IDO2: variants seen among roughly 807,000 people sequenced by gnomAD.
IDO2 encodes indoleamine 2,3-dioxygenase 2.
Under a neutral mutation model 45.1 loss-of-function variants are expected in IDO2, and 46 were observed. That is an observed-to-expected ratio of 1.02 (90% CI 0.80 to 1.30). The LOEUF is 1.30. Ranked by LOEUF, IDO2 falls within the 50% of genes most tolerant of loss-of-function variation. The pLI, the probability that IDO2 is intolerant of heterozygous loss-of-function variation, is 0.00. For synonymous variants in IDO2, 218 were observed against 184.9 expected, an observed-to-expected ratio of 1.18 and a Z score of -1.45; for missense variants, 544 against 491.8, an observed-to-expected ratio of 1.11 and a Z score of -1.00.
intron 8 of IDO2, among the ~76,000 whole-genome samples, chr8:40,003,964 T>A: frequency 6.6e-6 from 1 of 150,454 alleles, no homozygotes; most frequent in South Asian, 2.1e-4. Context: ...TTTTTTTACA[T>A]CTATTGAAAT....
chr8:40,001,288 G>A (rs1802133737), intron 8 of IDO2, among the ~76,000 whole-genome samples: 2 of 120,124 alleles, frequency 1.7e-5, no homozygotes, highest in Non-Finnish European at 3.1e-5. Context: ...GTCTCGCTCT[G>A]TTGCAGGCTA....
chr8:39,942,946 G>A (rs1340911886), intron 1 of IDO2, among the ~76,000 whole-genome samples: 1 of 152,196 alleles, frequency 6.6e-6, no homozygotes, highest in Non-Finnish European at 1.5e-5. Context: ...TTTCATTTGA[G>A]ATTGAAGGAA....
chr8:39,987,632 G>A, intron 6 of IDO2: 1 of 462,600 alleles, frequency 2.2e-6, no homozygotes, highest in South Asian at 3.7e-5. Flanking sequence ...GACCATTAGG[G>A]CCATGCTAGA....
At chr8:39,996,151 G>A (rs975340806) in intron 8 of IDO2, among the ~76,000 whole-genome samples, 46 of 151,670 alleles carry the variant, frequency 3.0e-4, no homozygotes, top group Middle Eastern at 6.9e-3. Flanking sequence ...CCCCGGGGGA[G>A]TTAGAGAAGA....
intron 2 of IDO2, among the ~76,000 whole-genome samples, chr8:39,953,675 G>A (rs1023824929): frequency 1.3e-5 from 2 of 152,072 alleles, no homozygotes; most frequent in Non-Finnish European, 2.9e-5. Context: ...CGATTCTCCT[G>A]CCTCAGCCTC....
chr8:39,991,698 G>C (rs2129594842), intron 8 of IDO2, among the ~76,000 whole-genome samples: 1 of 151,266 alleles, frequency 6.6e-6, no homozygotes, highest in Admixed American at 6.6e-5. Context: ...AGTCTCCCTA[G>C]TAGCTGGGAT....
chr8:39,974,634 A>G (rs1170149995), intron 3 of IDO2, among the ~76,000 whole-genome samples: 1 of 151,938 alleles, frequency 6.6e-6, no homozygotes, highest in African/African-American at 2.4e-5. Flanking sequence ...AATACACAAA[A>G]TTGGCTGGGC....
intron 1 of IDO2, among the ~76,000 whole-genome samples, chr8:39,943,284 T>A (rs777218515): frequency 2.6e-5 from 4 of 152,002 alleles, no homozygotes; most frequent in Non-Finnish European, 5.9e-5. Context: ...GGCAGGAGGA[T>A]CACGTGAGCC....
intron 2 of IDO2, 128 bp from the exon 3 acceptor site, chr8:39,963,480 C>G: frequency 1.6e-6 from 1 of 617,118 alleles, no homozygotes; most frequent in African/African-American, 1.8e-5. Flanking sequence ...GCATATGGTG[C>G]ATTCTCAATG....
chr8:39,979,171 G>A lies in IDO2; in HGVS notation c.300G>A (p.Glu100=), dbSNP rs1327836611. The change falls in exon 4 of 11, where the codon GAG becomes GAA. Residue 100 remains glutamate, a synonymous_variant. Coordinates refer to ENST00000502986, the Ensembl canonical transcript of IDO2. ...TGGGTTATGTCTGGCAGGAAGGAGA[G>A]GCGCAGCCTGCAGAGGTGAGGGCCA... The A allele has an allele frequency of 2.5e-6, 4 of 1,591,166 alleles. No individual in the cohort carries two copies. The South Asian group carries it at 3.5e-5, about 14-fold the overall frequency.
intron 1 of IDO2, among the ~76,000 whole-genome samples, chr8:39,939,698 T>TTA (rs540444128): frequency 5.7e-5 from 8 of 140,648 alleles, no homozygotes; most frequent in Non-Finnish European, 9.2e-5. Context: ...ATAAAAGAGT[T>TTA]AAAAAAAAAA....
rs760656458 is a variant in IDO2, at chr8:39,987,859, C to G, written c.450-12C>G. On this transcript the variant is annotated splice_polypyrimidine_tract_variant and intron_variant, in intron 6 of 10. Coordinates refer to ENST00000502986, the Ensembl canonical transcript of IDO2. The stretch of plus-strand genomic sequence containing the variant: ...TCCACACCTCTAATCATGTGCTCCT[C>G]TCCTTCCCAAGGAACCTGGAGACCA... The G allele has an allele frequency of 1.3e-6, 2 of 1,552,494 alleles. No individual in the cohort carries two copies. The highest frequency in any genetic ancestry group is 2.3e-5 in the East Asian group (1 of 44,352).
chr8:40,012,645 A>T (rs1563443844), intron 9 of IDO2, among the ~76,000 whole-genome samples: 1 of 152,208 alleles, frequency 6.6e-6, no homozygotes, highest in African/African-American at 2.4e-5. Context: ...AGTCAGACAC[A>T]GGAAAATAAG....
chr8:39,969,107 A>T (rs1430094297), intron 3 of IDO2, among the ~76,000 whole-genome samples: 1 of 152,172 alleles, frequency 6.6e-6, no homozygotes, highest in Non-Finnish European at 1.5e-5. Flanking sequence ...GCGGGTGAAC[A>T]GTTGTGAAAC....
At chr8:39,944,091 T>C (rs1370631681) in intron 1 of IDO2, among the ~76,000 whole-genome samples, 1 of 151,996 alleles carries the variant, frequency 6.6e-6, no homozygotes, top group Admixed American at 6.6e-5. Flanking sequence ...TTCCTGCTTT[T>C]TTTTAGCTTT....
exon 10 of IDO2, chr8:40,013,647 GCAGCTCAGAGCA>G: frequency 1.2e-6 from 2 of 1,613,912 alleles, no homozygotes; most frequent in Non-Finnish European, 1.7e-6. Context: ...CGGCGGGAGT[GCAGCTCAGAGCA>G]CAGTGCTTCA....
chr8:39,945,250 A>G (rs1486981669), intron 1 of IDO2, among the ~76,000 whole-genome samples: 5 of 152,266 alleles, frequency 3.3e-5, no homozygotes, highest in African/African-American at 1.2e-4. Context: ...GAATGGGGTG[A>G]CCAAATATAC....
chr8:39,971,771 T>C (rs1808183242), intron 3 of IDO2, among the ~76,000 whole-genome samples: 1 of 152,126 alleles, frequency 6.6e-6, no homozygotes, highest in African/African-American at 2.4e-5. Context: ...GGAATCTGAT[T>C]TTATAACTGA....
chr8:39,977,604 C>A (rs979879840), intron 3 of IDO2, among the ~76,000 whole-genome samples: 4 of 152,178 alleles, frequency 2.6e-5, no homozygotes, highest in Admixed American at 6.5e-5. Flanking sequence ...TTGCTTGAGC[C>A]CAGAAGTTCA....
Sources: gnomAD v4.1 joint callset for allele counts (sites outside exome capture counted in the v4.1 genomes callset) on GRCh38, gnomAD v4.1.1 for gene constraint, MANE v1.5 for transcripts, NCBI Gene and HGNC (gene_info 2026-07-23, HGNC 2026-07-21) for gene names.